Variants in KIF27 observed in about 807,000 individuals in gnomAD.
KIF27 encodes the protein kinesin-like protein KIF27.
A neutral mutation model predicts 141.8 loss-of-function variants in KIF27; 84 were observed. The observed-to-expected ratio is 0.59, with a 90% CI of 0.50 to 0.71. KIF27 has a LOEUF of 0.71. Among genes scored for constraint, KIF27 ranks in the 30% least tolerant of loss-of-function variants. KIF27 has a pLI of 0.00. For missense variants in KIF27, 1,306 were observed against 1,628.4 expected, an observed-to-expected ratio of 0.80 and a Z score of 3.41; for synonymous variants, 471 against 569.5, an observed-to-expected ratio of 0.83 and a Z score of 2.46.
At chr9:83,907,015 G>A (rs1203434635) in intron 3 of KIF27, among the ~76,000 whole-genome samples, 2 of 151,958 alleles carry the variant, frequency 1.3e-5, no homozygotes, top group Non-Finnish European at 2.9e-5. Flanking sequence ...TATGGGCCAG[G>A]CATGGTGGCT....
rs543744085 is a variant in KIF27 at position 83,861,540 on chromosome 9, C to T, written c.2935-2169G>A. ...CTTTTTATGGCTGCATAGTATTCCA[C>T]GGTGTGTATGTGCCACATTTTCTTA... On this transcript the variant is annotated intron_variant, in intron 13 of 17. Coordinates refer to ENST00000297814, the MANE Select transcript of KIF27 (RefSeq NM_017576.4). 4.5e-4 allele frequency among the ~76,000 whole-genome samples: 69 copies of T among 152,236 alleles called. No homozygotes were observed. In the East Asian group the frequency reaches 0.011, roughly 23 times the overall value.
intron 11 of KIF27, among the ~76,000 whole-genome samples, chr9:83,875,341 T>C (rs1322998383): frequency 6.6e-6 from 1 of 152,148 alleles, no homozygotes; most frequent in Non-Finnish European, 1.5e-5. Flanking sequence ...TGATATATCA[T>C]GTAAGGCACA....
intron 1 of KIF27, among the ~76,000 whole-genome samples, chr9:83,919,072 TCAAA>T (rs950505975): frequency 2.6e-4 from 39 of 151,748 alleles, no homozygotes; most frequent in Non-Finnish European, 4.3e-4. Flanking sequence ...CAAGACTGTC[TCAAA>T]CAAACAAACA....
intron 10 of KIF27, 45 bp downstream of exon 10, chr9:83,883,768 C>G: frequency 1.5e-6 from 2 of 1,342,788 alleles, no homozygotes; most frequent in South Asian, 1.2e-5. Flanking sequence ...TCCTCAGAAG[C>G]AAGAAAGCTT....
intron 11 of KIF27, among the ~76,000 whole-genome samples, chr9:83,877,400 T>C (rs909179014): frequency 1.3e-5 from 2 of 152,172 alleles, no homozygotes; most frequent in African/African-American, 4.8e-5. Context: ...GCCAAGTCCA[T>C]TCAATGGAGG....
intron 11 of KIF27, among the ~76,000 whole-genome samples, chr9:83,873,419 T>G (rs1389439638): frequency 6.6e-6 from 1 of 152,132 alleles, no homozygotes; most frequent in Non-Finnish European, 1.5e-5. Context: ...TTAAAGGAAG[T>G]GTTTAGATTT....
rs1208552836 is a variant in KIF27 at position 83,836,007 on chromosome 9, T to A, written c.*994A>T. 6.6e-6 allele frequency among the ~76,000 whole-genome samples: 1 copy of A among 152,150 alleles called. No individual in the cohort carries two copies. The highest frequency in any genetic ancestry group is 1.5e-5 in the Non-Finnish European group (1 of 68,018). On this transcript the variant is annotated 3_prime_UTR_variant, in exon 18 of 18. Coordinates refer to ENST00000297814, the MANE Select transcript of KIF27 (RefSeq NM_017576.4). ...TAATTCCAAACTAAATTGTACATTA[T>A]ATAGTAAAATTTTGACCAGAAAAAC... is the stretch of plus-strand genomic sequence containing the variant.
At chr9:83,843,872 G>A (rs972317048) in intron 16 of KIF27, among the ~76,000 whole-genome samples, 1 of 152,138 alleles carries the variant, frequency 6.6e-6, no homozygotes, top group Non-Finnish European at 1.5e-5. Flanking sequence ...ACAGGCACAT[G>A]CCACCATGCC....
intron 11 of KIF27, among the ~76,000 whole-genome samples, chr9:83,878,599 T>C (rs897013770): frequency 7.2e-5 from 11 of 152,108 alleles, no homozygotes; most frequent in Non-Finnish European, 2.9e-5. Flanking sequence ...TTGTACATGC[T>C]GCAATGTAGA....
Position 83,903,154 on chromosome 9 carries a change from G to A in KIF27, c.1364C>T (p.Thr455Ile). 1.2e-6 allele frequency: 2 copies of A among 1,614,152 alleles called. No homozygotes were observed. Among genetic ancestry groups the A allele is most frequent in the Non-Finnish European group, 1.7e-6 (2 of 1,180,010 alleles). The part of the protein sequence containing the change: ...MIQEVRKAVL[T>I]SFRGIGGTAS... ...AGTGCCTCCGATTCCTCGAAATGAG[G>A]TGAGGACAGCCTTCCTGACCTCTTG... The change falls in exon 4 of 18, where the codon ACC becomes ATC. Residue 455 changes from threonine (T) to isoleucine (I), a missense_variant. Around this residue, in one of 4 missense-constraint regions of KIF27, gnomAD observed 533 missense variants for 565.6 expected, o/e 0.94. Transcript: ENST00000297814.
Position 83,859,485 on chromosome 9 carries a change from T to C in KIF27, c.2935-114A>G, listed in dbSNP as rs372457249. 5,268 of 717,070 alleles carry C rather than the reference T, an allele frequency of 7.3e-3. 69 individuals carry two copies. The highest frequency in any genetic ancestry group is 0.038 in the African/African-American group (2,105 of 55,562). 44.4% of individuals were successfully genotyped at this position (717,070 alleles called of 1,614,324 possible). ...TAAATGAATATATTTTTAGTTTTTA[T>C]ATTATTGTTTTCTCCCATGGATTTT... On this transcript the variant is annotated intron_variant, in intron 13 of 17. Coordinates refer to ENST00000297814, the MANE Select transcript of KIF27 (RefSeq NM_017576.4).
chr9:83,918,115 T>C (rs757379860), intron 1 of KIF27, among the ~76,000 whole-genome samples: 1 of 151,892 alleles, frequency 6.6e-6, no homozygotes, highest in Non-Finnish European at 1.5e-5. Context: ...CAAAGAAATT[T>C]TTTTTTTCAA....
At chr9:83,857,374 G>A (rs557577194) in intron 14 of KIF27, among the ~76,000 whole-genome samples, 42 of 152,192 alleles carry the variant, frequency 2.8e-4, no homozygotes, top group Middle Eastern at 6.8e-3. Context: ...CTTTAAAATC[G>A]TGATAAGAGC....
chr9:83,918,323 TGG>T (rs11442017), intron 1 of KIF27, among the ~76,000 whole-genome samples: 894 of 88,634 alleles, frequency 0.01, 29 homozygotes, highest in East Asian at 0.062. Context: ...ACGAGAGAAA[TGG>T]GGGGGGGGCA....
At chr9:83,911,857 G>A (rs985550188) in intron 2 of KIF27, among the ~76,000 whole-genome samples, 15 of 152,160 alleles carry the variant, frequency 9.9e-5, no homozygotes, top group Admixed American at 6.5e-5. Flanking sequence ...ACCTAGAATA[G>A]GCAAACTAAA....
intron 15 of KIF27, among the ~76,000 whole-genome samples, chr9:83,852,371 T>C (rs1226387963): frequency 6.6e-6 from 1 of 150,630 alleles, no homozygotes; most frequent in Admixed American, 6.7e-5. Flanking sequence ...GAGAATGGCG[T>C]GAACCTGGGA....
In KIF27 at chr9:83,859,183, A is replaced by C; in HGVS notation, c.3123T>G (p.Leu1041=). The change falls in exon 14 of 18, where the codon CTT becomes CTG. Residue 1041 remains leucine, a synonymous_variant. Transcript: ENST00000297814. The stretch of plus-strand genomic sequence containing the variant: ...CAGGTGATAACACTCTACCATTTTT[A>C]AGTTTTTCATCCACATTGTGTCTGC... The part of the protein sequence containing the change: ...QKRRHNVDEK[L]KNGRVLSPEE... 1 of 1,613,262 alleles carries C rather than the reference A, an allele frequency of 6.2e-7. No individual in the cohort carries two copies. The highest frequency in any genetic ancestry group is 8.5e-7 in the Non-Finnish European group (1 of 1,179,172).
rs1287571597 is a variant in KIF27 at position 83,836,948 on chromosome 9, G to A, written c.*53C>T. ...GAACTTGAGCTTTAGTTTTTAACAG[G>A]TTAGAAAAAGGAATCTTTTTACATA... On this transcript the variant is annotated 3_prime_UTR_variant, in exon 18 of 18. Transcript: ENST00000297814. The A allele has an allele frequency of 2.0e-5, 31 of 1,555,048 alleles. No individual in the cohort carries two copies. The highest frequency in any genetic ancestry group is 2.6e-5 in the Non-Finnish European group (30 of 1,153,728).
intron 16 of KIF27, among the ~76,000 whole-genome samples, chr9:83,844,246 G>A (rs1399299526): frequency 1.4e-5 from 2 of 146,896 alleles, no homozygotes; most frequent in African/African-American, 5.2e-5. Flanking sequence ...CTTGCAGACA[G>A]CCTACTGTGG....
Sources: allele counts gnomAD v4.1 joint callset (sites outside exome capture counted in the v4.1 genomes callset), GRCh38; gene constraint gnomAD v4.1.1; regional missense constraint gnomAD v4.1.1; transcripts MANE v1.5; gene names NCBI Gene and HGNC (gene_info 2026-07-23, HGNC 2026-07-21).